Variants in FBXW8 observed in about 807,000 individuals in gnomAD.
FBXW8 encodes F-box/WD repeat-containing protein 8.
Under a neutral mutation model 65.3 loss-of-function variants are expected in FBXW8, and 57 were observed. The observed-to-expected ratio is 0.87, with a 90% confidence interval of 0.71 to 1.09. FBXW8 has a LOEUF of 1.09. Among genes scored for constraint, FBXW8 ranks in the 50% least tolerant of loss-of-function variants. The pLI is 0.00. For synonymous variants in FBXW8, 308 were observed against 330.2 expected (o/e 0.93, Z 0.73); for missense variants, 777 against 814.8 (o/e 0.95, Z 0.57).
intron 7 of FBXW8, among the ~76,000 whole-genome samples, chr12:117,009,716 CT>C (rs1209214078): frequency 6.6e-6 from 1 of 152,046 alleles, no homozygotes; most frequent in South Asian, 2.1e-4. Context: ...TCAGGGGTAC[CT>C]TCTTATTTAC....
At chr12:116,988,566 G>C in intron 6 of FBXW8, 97 bp from the exon 7 acceptor site, 1 of 1,035,380 alleles carries the variant, frequency 9.7e-7, no homozygotes, top group South Asian at 1.3e-5. Context: ...TTTTCTGTTG[G>C]GTTGCTGGTC....
At chr12:116,914,107 CAAAAAATTT>C (rs937636001) in intron 1 of FBXW8, among the ~76,000 whole-genome samples, 8 of 151,982 alleles carry the variant, frequency 5.3e-5, no homozygotes, top group Non-Finnish European at 1.0e-4. Flanking sequence ...CCTGGTTCTA[CAAAAAATTT>C]AAAAAATTTA....
chr12:116,919,719 C>T (rs1224043895), intron 1 of FBXW8, among the ~76,000 whole-genome samples: 1 of 152,198 alleles, frequency 6.6e-6, no homozygotes, highest in Admixed American at 6.5e-5. Flanking sequence ...GGCAAAATTG[C>T]TGCTTCTGAC....
intron 2 of FBXW8, among the ~76,000 whole-genome samples, chr12:116,942,559 C>T (rs552245609): frequency 6.7e-6 from 1 of 149,846 alleles, no homozygotes; most frequent in African/African-American, 2.5e-5. Flanking sequence ...TATTTTTAGT[C>T]GAGATGGGGT....
At chr12:116,997,990 A>G (rs1230852197) in intron 7 of FBXW8, among the ~76,000 whole-genome samples, 1 of 151,866 alleles carries the variant, frequency 6.6e-6, no homozygotes. Context: ...TAATTTTTAT[A>G]TTTTTTAGTA....
At position 116,927,560 on chromosome 12, in the gene FBXW8, T is replaced by A. The variant is rs963800556; in HGVS notation, c.319-463T>A. 2.0e-5 allele frequency among the ~76,000 whole-genome samples: 3 copies of A among 152,226 alleles called. 1 individual carries two copies. Among genetic ancestry groups the A allele is most frequent in the Non-Finnish European group, 4.4e-5 (3 of 68,026 alleles). ...CTAGAGCAGCTTTTCTCTAGCTGTG[T>A]GTGCTCACTCCCTTCCTAGTTGAGA... On this transcript the variant is annotated intron_variant, in intron 1 of 10. Transcript: ENST00000652555.
At chr12:116,930,579 T>A (rs1881690792) in intron 2 of FBXW8, among the ~76,000 whole-genome samples, 3 of 152,214 alleles carry the variant, frequency 2.0e-5, no homozygotes, top group Admixed American at 6.5e-5. Context: ...GGAAATATTT[T>A]TTCTCTTTTA....
intron 7 of FBXW8, among the ~76,000 whole-genome samples, chr12:116,990,979 G>A (rs1257311979): frequency 6.6e-6 from 1 of 152,204 alleles, no homozygotes; most frequent in Non-Finnish European, 1.5e-5. Context: ...GTGAGACCCT[G>A]TCTCTACCAC....
In FBXW8 at chr12:116,910,996, C is replaced by G; in HGVS notation, c.-42C>G. The G allele has an allele frequency of 7.4e-7, 1 of 1,356,348 alleles. No individual in the cohort carries two copies. The highest frequency in any genetic ancestry group is 1.8e-5 in the South Asian group (1 of 55,418). The allele number at this position is 1,356,348 out of a possible 1,614,324, so 84.0% of individuals were successfully genotyped here. On this transcript the variant is annotated 5_prime_UTR_variant, in exon 1 of 11. Transcript: ENST00000652555. ...CTGGGCGGGACTGTCTCGTGGCACC[C>G]GGTGGAACCGAGGAGAACGTGGAGC...
intron 3 of FBXW8, among the ~76,000 whole-genome samples, chr12:116,946,045 G>T (rs1216464521): frequency 6.6e-6 from 1 of 152,166 alleles, no homozygotes; most frequent in Non-Finnish European, 1.5e-5. Context: ...TCACAGCTAA[G>T]AATTTGCACA....
At chr12:116,986,992 C>G (rs1885739591) in intron 6 of FBXW8, 1 of 152,252 alleles carries the variant, frequency 6.6e-6, no homozygotes, top group Admixed American at 6.5e-5. Flanking sequence ...TTATTTTTCA[C>G]TTTGAGTGAA....
chr12:116,919,581 A>G (rs956920977), intron 1 of FBXW8, among the ~76,000 whole-genome samples: 1 of 152,142 alleles, frequency 6.6e-6, no homozygotes, highest in Admixed American at 6.5e-5. Context: ...CTTATCACCG[A>G]TAAGCCCTTA....
At chr12:117,023,163 T>A (rs1954141113) in intron 8 of FBXW8, among the ~76,000 whole-genome samples, 1 of 152,174 alleles carries the variant, frequency 6.6e-6, no homozygotes, top group African/African-American at 2.4e-5. Context: ...AAAATTGACG[T>A]GTGTGCGCAT....
intron 2 of FBXW8, 102 bp from the exon 3 acceptor site, chr12:116,945,262 C>A: frequency 2.6e-6 from 3 of 1,167,980 alleles, no homozygotes; most frequent in Non-Finnish European, 3.6e-6. Context: ...TTTTATACTG[C>A]CATAAACCCA....
At chr12:117,022,924 C>CCAGAGAATTCAGTAACACA (rs1954135559) in intron 8 of FBXW8, among the ~76,000 whole-genome samples, 1 of 152,166 alleles carries the variant, frequency 6.6e-6, no homozygotes, top group African/African-American at 2.4e-5. Flanking sequence ...AAGGTTTGTC[C>CCAGAGAATTCAGTAACACA]TGTGTGCCTC....
Position 117,025,146 on chromosome 12 carries a change from G to C in FBXW8, c.1541+826G>C, listed in dbSNP as rs11068291. ...AGACCCTGCGTTTGAGACAGGTGGG[G>C]AGAAAGGCAGCCGGCCCTCTCGCTT... is the stretch of plus-strand genomic sequence containing the variant. On this transcript the variant is annotated intron_variant, in intron 9 of 10. Coordinates refer to ENST00000652555, the MANE Select transcript of FBXW8 (RefSeq NM_153348.3). Among the ~76,000 whole-genome samples the C allele has an allele frequency of 7.3e-3, 1,112 of 152,326 alleles. 14 individuals carry two copies. The highest frequency in any genetic ancestry group is 0.025 in the African/African-American group (1,060 of 41,578).
At position 117,028,121 on chromosome 12, in the gene FBXW8, G is replaced by A; in HGVS notation, c.1746G>A (p.Met582Ile). 1 of 1,614,164 alleles carries A rather than the reference G, an allele frequency of 6.2e-7. No homozygotes were observed. Among genetic ancestry groups the A allele is most frequent in the Non-Finnish European group, 8.5e-7 (1 of 1,180,022 alleles). ...LPVCRSSCDA[M>I]ATHYYDLALA... ...TCTGCCGTTCATCCTGTGACGCCAT[G>A]GCCACTCACTACTACGACCTCGCAC... The change falls in exon 11 of 11, where the codon ATG becomes ATA. Residue 582 changes from methionine to isoleucine, a missense_variant. By Grantham distance (10) the Met-to-Ile change is conservative. Transcript: ENST00000652555. This position sits in a 1 kb window ranked among gnomAD's most constrained non-coding sequence, Gnocchi z 4.1.
chr12:116,965,667 G>C (rs1884272474), intron 5 of FBXW8, among the ~76,000 whole-genome samples: 1 of 152,218 alleles, frequency 6.6e-6, no homozygotes, highest in South Asian at 2.1e-4. Flanking sequence ...GACATTAGCA[G>C]TTGGCTCAGA....
rs184406014 is a variant in FBXW8 at position 116,981,863 on chromosome 12, C to T, written c.836-3343C>T. On this transcript the variant is annotated intron_variant, in intron 5 of 10. Coordinates refer to ENST00000652555, the MANE Select transcript of FBXW8 (RefSeq NM_153348.3). ...TCCTGACCTCAAGTGATACGCCCACCGCAGCCTCCCAAAGTGCTGGGATTA... is the reference window on the plus strand; with the variant it reads ...TCCTGACCTCAAGTGATACGCCCACTGCAGCCTCCCAAAGTGCTGGGATTA... Among the ~76,000 whole-genome samples, 106 of 152,236 alleles carry T rather than the reference C, an allele frequency of 7.0e-4. 1 individual carries two copies. Among genetic ancestry groups the T allele is most frequent in the Admixed American group, 5.6e-3 (85 of 15,280 alleles).
Sources: allele counts gnomAD v4.1 joint callset (sites outside exome capture counted in the v4.1 genomes callset), GRCh38; gene constraint gnomAD v4.1.1; non-coding constraint Gnocchi (gnomAD v3.1); transcripts MANE v1.5; gene names NCBI Gene and HGNC (gene_info 2026-07-23, HGNC 2026-07-21).